The following CRACDL variants were observed in gnomAD, a reference collection of about 807,000 sequenced individuals.
The protein encoded by CRACDL is CRACD-like protein.
In CRACDL, 26 loss-of-function variants were observed where a neutral mutation model predicts 70.6. That is an observed-to-expected ratio of 0.37 (90% CI 0.27 to 0.51). The LOEUF (loss-of-function observed/expected upper bound fraction) is 0.51, where lower values mean the gene tolerates loss of function less well. Among genes scored for constraint, CRACDL ranks in the 20% least tolerant of loss-of-function variants. The pLI is 0.94. For missense variants in CRACDL, 1,283 were observed against 1,376.9 expected (o/e 0.93, Z 1.08); for synonymous variants, 618 against 615.2 (o/e 1.00, Z -0.07).
intron 9 of CRACDL, among the ~76,000 whole-genome samples, chr2:98,795,613 G>A (rs1703785228): frequency 6.6e-6 from 1 of 152,110 alleles, no homozygotes; most frequent in South Asian, 2.1e-4. Context: ...GGGAAATATT[G>A]TAAAATTAGA....
chr2:98,817,341 T>C (rs1458109615), intron 7 of CRACDL, among the ~76,000 whole-genome samples: 1 of 152,048 alleles, frequency 6.6e-6, no homozygotes, highest in Admixed American at 6.5e-5. Flanking sequence ...TTTAAGAGGG[T>C]CAATCTCATG....
chr2:98,900,569 G>A (rs1708252762), intron 1 of CRACDL, among the ~76,000 whole-genome samples: 1 of 152,138 alleles, frequency 6.6e-6, no homozygotes, highest in Admixed American at 6.5e-5. Flanking sequence ...GTGGGAGTAG[G>A]GCCTGTCCCC....
At chr2:98,874,978 C>T (rs371540293) in intron 1 of CRACDL, among the ~76,000 whole-genome samples, 22 of 152,300 alleles carry the variant, frequency 1.4e-4, no homozygotes, top group African/African-American at 4.1e-4. Flanking sequence ...GCAATGCCCC[C>T]GACAAGGCCT....
rs1559218850 is a variant in CRACDL at position 98,827,048 on chromosome 2, T to G, written c.662A>C (p.Asn221Thr). 5 of 1,613,938 alleles carry G rather than the reference T, an allele frequency of 3.1e-6. No homozygotes were observed. Among genetic ancestry groups the G allele is most frequent in the Non-Finnish European group, 4.2e-6 (5 of 1,179,950 alleles). Residue 221 changes from asparagine (N) to threonine (T), a missense_variant, in exon 6 of 10, where the codon AAC becomes ACC. By Grantham distance (65) the Asn-to-Thr change is moderately conservative (BLOSUM62 0). Around this residue, in one of 2 missense-constraint regions of CRACDL, gnomAD observed 362 missense variants for 495.0 expected, o/e 0.73. Transcript: ENST00000397899. ...CTGGAGCTTGTGCTTAGCTGCAGAG[T>G]TGTCCAGGCAGGAGGAGGATTCTGC... ...YPAESSSCLDNSAAKHKLQVK... is the reference protein window; with the variant it reads ...YPAESSSCLDTSAAKHKLQVK...
At chr2:98,903,443 C>T (rs1708332794) in intron 1 of CRACDL, among the ~76,000 whole-genome samples, 1 of 152,260 alleles carries the variant, frequency 6.6e-6, no homozygotes, top group Non-Finnish European at 1.5e-5. Flanking sequence ...TTGTTTCACC[C>T]CATGCCTAAA....
intron 1 of CRACDL, among the ~76,000 whole-genome samples, chr2:98,923,395 G>A (rs989283785): frequency 6.6e-6 from 1 of 152,060 alleles, no homozygotes; most frequent in African/African-American, 2.4e-5. Flanking sequence ...CTTGTAGCTG[G>A]AGTGAAAGCC....
intron 2 of CRACDL, among the ~76,000 whole-genome samples, chr2:98,845,193 T>C (rs997031771): frequency 1.8e-5 from 2 of 111,382 alleles, no homozygotes; most frequent in African/African-American, 8.0e-5. Context: ...TTTTCTTTCT[T>C]CTTCTTCTTT....
At chr2:98,812,252 G>A (rs1181322153) in intron 7 of CRACDL, among the ~76,000 whole-genome samples, 2 of 152,252 alleles carry the variant, frequency 1.3e-5, no homozygotes, top group African/African-American at 4.8e-5. Flanking sequence ...TGGGATTACA[G>A]GCGTGAGCCA....
At chr2:98,830,158 C>A (rs1185506155) in intron 5 of CRACDL, among the ~76,000 whole-genome samples, 1 of 152,188 alleles carries the variant, frequency 6.6e-6, no homozygotes, top group Non-Finnish European at 1.5e-5. Flanking sequence ...TAGAATATGA[C>A]CAGTTAGACA....
At chr2:98,930,364 G>A (rs1311544034) in intron 1 of CRACDL, among the ~76,000 whole-genome samples, 11 of 8,132 alleles carry the variant, frequency 1.4e-3, no homozygotes, top group Middle Eastern at 0.12. Context: ...CCCCATCCCC[G>A]TCCCCACCCT....
At position 98,877,758 on chromosome 2, in the gene CRACDL, A is replaced by T. The variant is rs184126318; in HGVS notation, c.-10-30948T>A. Among the ~76,000 whole-genome samples the T allele has an allele frequency of 2.6e-5, 4 of 152,002 alleles. No homozygotes were observed. In the East Asian group the frequency reaches 5.8e-4, roughly 22 times the overall value. ...AGTGGGACTCTGTCTCAAAAATAATAAAAAAATTTAAAATAAATAAATTTA... is the reference window on the plus strand; with the variant it reads ...AGTGGGACTCTGTCTCAAAAATAATTAAAAAATTTAAAATAAATAAATTTA... On this transcript the variant is annotated intron_variant, in intron 1 of 9. Coordinates refer to ENST00000397899, the MANE Select transcript of CRACDL (RefSeq NM_207362.3).
intron 1 of CRACDL, among the ~76,000 whole-genome samples, chr2:98,861,612 A>C (rs563983950): frequency 6.6e-6 from 1 of 152,328 alleles, no homozygotes; most frequent in African/African-American, 2.4e-5. Flanking sequence ...TATGTCCATG[A>C]AAGATTCTGA....
chr2:98,845,534 GA>G (rs141948262), intron 2 of CRACDL, among the ~76,000 whole-genome samples: 2,320 of 151,836 alleles, frequency 0.015, 64 homozygotes, highest in African/African-American at 0.053. Flanking sequence ...TTCTTACTTT[GA>G]AAAATATTTT....
intron 1 of CRACDL, among the ~76,000 whole-genome samples, chr2:98,905,860 T>A (rs13006398): frequency 0.36 from 54,202 of 151,792 alleles, 9,948 homozygotes; most frequent in African/African-American, 0.42. Context: ...CAGGTCATCT[T>A]CCCACTTCGG....
At chr2:98,906,730 G>T (rs926281275) in intron 1 of CRACDL, among the ~76,000 whole-genome samples, 3 of 152,120 alleles carry the variant, frequency 2.0e-5, no homozygotes, top group African/African-American at 7.2e-5. Context: ...TAGTCTCATT[G>T]TCCTGCCTGT....
intron 1 of CRACDL, among the ~76,000 whole-genome samples, chr2:98,862,668 G>A (rs1706984801): frequency 6.6e-6 from 1 of 152,078 alleles, no homozygotes; most frequent in Non-Finnish European, 1.5e-5. Context: ...GGAATTCAAA[G>A]GCAGATATGA....
intron 1 of CRACDL, among the ~76,000 whole-genome samples, chr2:98,873,348 C>A (rs763654828): frequency 2.0e-5 from 3 of 152,222 alleles, no homozygotes; most frequent in Non-Finnish European, 4.4e-5. Flanking sequence ...TGAGAGCAAC[C>A]AAGCTGCCCA....
At chr2:98,860,275 G>C (rs1706886797) in intron 1 of CRACDL, among the ~76,000 whole-genome samples, 1 of 152,168 alleles carries the variant, frequency 6.6e-6, no homozygotes, top group Non-Finnish European at 1.5e-5. Context: ...GCTGGATTTT[G>C]GGCAGAAAGT....
At chr2:98,919,007 G>A (rs1031726482) in intron 1 of CRACDL, among the ~76,000 whole-genome samples, 9 of 152,116 alleles carry the variant, frequency 5.9e-5, no homozygotes, top group African/African-American at 2.2e-4. Flanking sequence ...TCTTTGCCTA[G>A]ATCAATGATC....
Sources: gnomAD v4.1 joint callset for allele counts (sites outside exome capture counted in the v4.1 genomes callset) on GRCh38, gnomAD v4.1.1 for gene constraint, gnomAD v4.1.1 regional missense constraint, MANE v1.5 for transcripts, NCBI Gene and HGNC (gene_info 2026-07-23, HGNC 2026-07-21) for gene names.